The following CYBB variants were observed in gnomAD, a reference collection of about 807,000 sequenced individuals.
The protein encoded by CYBB is NADPH oxidase 2.
CYBB carries 5 observed loss-of-function variants against 46.5 expected under a neutral mutation model. The observed-to-expected ratio is 0.11, with a 90% CI of 0.06 to 0.23. The LOEUF (loss-of-function observed/expected upper bound fraction) is 0.23, where lower values mean the gene tolerates loss of function less well. CYBB is among the 10% of genes least tolerant of loss of function. The pLI is 1.00. For missense variants in CYBB, 307 were observed against 428.3 expected, an observed-to-expected ratio of 0.72 and a Z score of 2.50; for synonymous variants, 183 against 156.7, an observed-to-expected ratio of 1.17 and a Z score of -1.26.
rs188865354 is a variant in CYBB, at chrX:37,813,366, G to C, written c.*2449G>C. On this transcript the variant is annotated 3_prime_UTR_variant, in exon 13 of 13. Coordinates refer to ENST00000378588, the MANE Select transcript of CYBB (RefSeq NM_000397.4). ...GTTTGTGAAATTTGAATACTTGCAG[G>C]CTTTGTATGTGAATAATTCTAGCGG... is the stretch of plus-strand genomic sequence containing the variant. 60 of 110,868 alleles carry C rather than the reference G, an allele frequency of 5.4e-4. No individual in the cohort carries two copies. The highest frequency in any genetic ancestry group is 1.8e-3 in the African/African-American group (56 of 30,443). The allele number at this position is 110,868 out of a possible 1,213,427, so 9.1% of individuals were successfully genotyped here.
intron 3 of CYBB, among the ~76,000 whole-genome samples, chrX:37,784,671 A>C (rs190232735): frequency 8.9e-6 from 1 of 111,779 alleles, no homozygotes; most frequent in East Asian, 2.8e-4. Context: ...TCCGTGGTTC[A>C]TTAATGACTA....
chrX:37,796,477 T>C (rs782506736), intron 6 of CYBB, among the ~76,000 whole-genome samples: 1 of 103,726 alleles, frequency 9.6e-6, no homozygotes, highest in South Asian at 4.3e-4. Context: ...TAATCACTAG[T>C]AAATTAAACA....
intron 8 of CYBB, among the ~76,000 whole-genome samples, chrX:37,801,795 G>T (rs1378475102): frequency 9.0e-6 from 1 of 110,639 alleles, no homozygotes; most frequent in Non-Finnish European, 1.9e-5. Flanking sequence ...TCTCACTGAG[G>T]CTGAGCTAGT....
chrX:37,795,683 T>C (rs1368290772), intron 5 of CYBB, among the ~76,000 whole-genome samples: 1 of 112,399 alleles, frequency 8.9e-6, no homozygotes. Flanking sequence ...TAGAAATAAC[T>C]ATTTAAGTAC....
chrX:37,799,446 C>G (rs2146814002), intron 7 of CYBB, among the ~76,000 whole-genome samples: 1 of 111,662 alleles, frequency 9.0e-6, no homozygotes, highest in Admixed American at 9.5e-5. Flanking sequence ...TCAAATAAAT[C>G]ACTTATAAGG....
chrX:37,801,433 A>G (rs1046112471), intron 8 of CYBB, 85 bp downstream of exon 8: 8 of 624,464 alleles, frequency 1.3e-5, no homozygotes, highest in Non-Finnish European at 2.2e-5. Flanking sequence ...ATCATTGATC[A>G]GATGTTACAA....
intron 3 of CYBB, among the ~76,000 whole-genome samples, chrX:37,786,123 G>A (rs151166183): frequency 0.014 from 1,581 of 112,380 alleles, 36 homozygotes; most frequent in African/African-American, 0.048. Flanking sequence ...AACCTGAAAT[G>A]TGAACTTTTC....
chrX:37,799,171 CTA>C (rs1929383364), intron 7 of CYBB, 87 bp downstream of exon 7: 1 of 896,590 alleles, frequency 1.1e-6, no homozygotes, highest in Non-Finnish European at 1.6e-6. Flanking sequence ...TGTTATACAT[CTA>C]TATAGATGTC....
chrX:37,792,181 T>A (rs782575674), intron 4 of CYBB, 122 bp downstream of exon 4: 105 of 508,544 alleles, frequency 2.1e-4, no homozygotes, highest in Non-Finnish European at 3.5e-4. Context: ...TTGTATTTTT[T>A]TAATGAGTTT....
At chrX:37,782,304 G>A (rs1162383946) in intron 2 of CYBB, 121 bp downstream of exon 2, 1 of 530,879 alleles carries the variant, frequency 1.9e-6, no homozygotes, top group East Asian at 3.6e-5. Context: ...AGTACCATTA[G>A]CCTCACTCCC....
chrX:37,809,711 G>A lies in CYBB; in HGVS notation c.1586+20G>A. 1.7e-6 allele frequency: 2 copies of A among 1,207,219 alleles called. No individual in the cohort carries two copies. The highest frequency in any genetic ancestry group is 2.2e-6 in the Non-Finnish European group (2 of 892,726). ...CCCTAAGTAAGGAGTCTGTCACCAA[G>A]ATGTTTTTGAGGCTTGCATCTGCCT... On this transcript the variant is annotated intron_variant, in intron 12 of 12. Transcript: ENST00000378588.
intron 11 of CYBB, among the ~76,000 whole-genome samples, chrX:37,808,719 G>GA (rs1475591366): frequency 8.9e-6 from 1 of 111,844 alleles, no homozygotes; most frequent in African/African-American, 3.2e-5. Flanking sequence ...TAAAACTCAG[G>GA]AAAAAAATCT....
chrX:37,806,596 T>A lies in CYBB; in HGVS notation c.1461+63T>A, dbSNP rs1286238255. 32 of 1,045,477 alleles carry A rather than the reference T, an allele frequency of 3.1e-5. 1 individual carries two copies. The Admixed American group carries it at 7.3e-4, about 24-fold the overall frequency. The allele number at this position is 1,045,477 out of a possible 1,213,427, so 86.2% of individuals were successfully genotyped here. ...GTGTACAGGGCTTACGAACTTCCCCTTGGTTATTGGTGTGTCTTGTGTACT... is the reference window on the plus strand; with the variant it reads ...GTGTACAGGGCTTACGAACTTCCCCATGGTTATTGGTGTGTCTTGTGTACT... On this transcript the variant is annotated intron_variant, in intron 11 of 12. Transcript: ENST00000378588.
At chrX:37,803,790 T>G in intron 8 of CYBB, 87 bp from the exon 9 acceptor site, 1 of 1,030,607 alleles carries the variant, frequency 9.7e-7, no homozygotes, top group Admixed American at 2.3e-5. Context: ...AGTGGGCCAA[T>G]TTAGCTCAGT....
At position 37,813,014 on chromosome X, in the gene CYBB, G is replaced by A. The variant is rs1929704912; in HGVS notation, c.*2097G>A. On this transcript the variant is annotated 3_prime_UTR_variant, in exon 13 of 13. Coordinates refer to ENST00000378588, the MANE Select transcript of CYBB (RefSeq NM_000397.4). ...TGCATAATTAAAACCAGCTTCATTT[G>A]TTGCTCCGAGAGTGTTTCTCCAAGG... 1 of 111,515 alleles carries A rather than the reference G, an allele frequency of 9.0e-6. No homozygotes were observed. The highest frequency in any genetic ancestry group is 9.5e-5 in the Admixed American group (1 of 10,484). The allele number at this position is 111,515 out of a possible 1,213,427, so 9.2% of individuals were successfully genotyped here. A position where few individuals can be genotyped will look rare whatever the true frequency, so the allele number is the denominator to read the frequency against.
At chrX:37,781,264 A>T (rs577843368) in intron 1 of CYBB, among the ~76,000 whole-genome samples, 2 of 112,731 alleles carry the variant, frequency 1.8e-5, no homozygotes, top group African/African-American at 6.4e-5. Context: ...CTTCTAAATT[A>T]TATACTCATG....
intron 8 of CYBB, among the ~76,000 whole-genome samples, chrX:37,803,343 G>A (rs781991353): frequency 9.0e-5 from 10 of 110,800 alleles, no homozygotes; most frequent in Non-Finnish European, 1.9e-4. Context: ...TCCTCTTGGG[G>A]GATAGGAAGG....
At position 37,812,334 on chromosome X, in the gene CYBB, G is replaced by C. The variant is rs1284827803; in HGVS notation, c.*1417G>C. On this transcript the variant is annotated 3_prime_UTR_variant, in exon 13 of 13. Transcript: ENST00000378588. ...CACCCCTTGGAGCCACAAATGTTTA[G>C]AACTCTTCAACTTCGGTAATGAGGA... The C allele has an allele frequency of 1.8e-5, 2 of 111,491 alleles. No individual in the cohort carries two copies. The highest frequency in any genetic ancestry group is 3.8e-5 in the Non-Finnish European group (2 of 53,121). The allele number at this position is 111,491 out of a possible 1,213,427, so 9.2% of individuals were successfully genotyped here. A position where few individuals can be genotyped will look rare whatever the true frequency, so the allele number is the denominator to read the frequency against.
intron 3 of CYBB, among the ~76,000 whole-genome samples, chrX:37,787,959 T>C (rs1929108168): frequency 8.9e-6 from 1 of 111,993 alleles, no homozygotes; most frequent in South Asian, 3.7e-4. Flanking sequence ...TAGTTACTAG[T>C]AATCTCACTT....
Sources: gnomAD v4.1 joint callset for allele counts (sites outside exome capture counted in the v4.1 genomes callset) on GRCh38, gnomAD v4.1.1 for gene constraint, MANE v1.5 for transcripts, NCBI Gene and HGNC (gene_info 2026-07-23, HGNC 2026-07-21) for gene names.